The following RBFOX3 variants were observed in gnomAD, a reference collection of about 807,000 sequenced individuals.
The protein encoded by RBFOX3 is RNA binding protein fox-1 homolog 3.
RBFOX3 carries 17 observed loss-of-function variants against 48.7 expected under a neutral mutation model. The observed-to-expected ratio is 0.35, with a 90% confidence interval of 0.24 to 0.52. The LOEUF (loss-of-function observed/expected upper bound fraction) is 0.52. Ranked by LOEUF, RBFOX3 falls within the 20% of genes least tolerant of loss-of-function variation. The pLI, the probability that RBFOX3 is intolerant of heterozygous loss-of-function variation, is 0.94. For synonymous variants in RBFOX3, 212 were observed against 209.5 expected, an observed-to-expected ratio of 1.01 and a Z score of -0.10; for missense variants, 382 against 497.5, an observed-to-expected ratio of 0.77 and a Z score of 2.21.
chr17:79,303,879 GCA>G (rs1178780954), intron 3 of RBFOX3, among the ~76,000 whole-genome samples: 130 of 147,564 alleles, frequency 8.8e-4, no homozygotes, highest in African/African-American at 3.2e-3. Context: ...GTGTGTGTGT[GCA>G]TGTGTGTACT....
At chr17:79,578,321 G>A (rs2092930174) in intron 1 of RBFOX3, among the ~76,000 whole-genome samples, 2 of 152,272 alleles carry the variant, frequency 1.3e-5, no homozygotes, top group South Asian at 4.1e-4. Context: ...TGGTCAATCA[G>A]GAATGCAAAA....
chr17:79,260,798 A>C (rs1331569355), intron 3 of RBFOX3, among the ~76,000 whole-genome samples: 1 of 152,190 alleles, frequency 6.6e-6, no homozygotes, highest in Non-Finnish European at 1.5e-5. Flanking sequence ...GAGGATTTTC[A>C]GTCCACATCA....
intron 4 of RBFOX3, among the ~76,000 whole-genome samples, chr17:79,188,318 A>AG (rs1360038380): frequency 7.9e-5 from 12 of 152,230 alleles, no homozygotes; most frequent in Non-Finnish European, 1.5e-4. Flanking sequence ...CTTCCGGCTC[A>AG]GCGGGGGTCC....
chr17:79,490,630 C>T (rs1021667768), intron 1 of RBFOX3, among the ~76,000 whole-genome samples: 2 of 152,086 alleles, frequency 1.3e-5, no homozygotes, highest in Non-Finnish European at 2.9e-5. Context: ...GAGAGCATCA[C>T]TGCTGTGCTA....
rs1481135288 is a variant in RBFOX3 at position 79,418,157 on chromosome 17, G to A, written c.-175+64297C>T. Among the ~76,000 whole-genome samples, 1 of 152,228 alleles carries A rather than the reference G, an allele frequency of 6.6e-6. No homozygotes were observed. Among genetic ancestry groups the A allele is most frequent in the Non-Finnish European group, 1.5e-5 (1 of 68,040 alleles). On this transcript the variant is annotated intron_variant, in intron 2 of 14. Transcript: ENST00000693108. The surrounding 1 kb of genome is among the most constrained non-coding windows in gnomAD (Gnocchi z 5.0). ...GATGGTGATGGCCGCACAACAAGAT[G>A]AATGTACTTAATGCCACTGAACAGT...
chr17:79,262,520 A>G (rs537856337), intron 3 of RBFOX3, among the ~76,000 whole-genome samples: 1 of 152,352 alleles, frequency 6.6e-6, no homozygotes, highest in Admixed American at 6.5e-5. Flanking sequence ...ACTGATTAGG[A>G]TCCTAAATTA....
At position 79,261,001 on chromosome 17, in the gene RBFOX3, C is replaced by T. The variant is rs146233512; in HGVS notation, c.-73-25196G>A. 1.8e-3 allele frequency among the ~76,000 whole-genome samples: 272 copies of T among 152,264 alleles called. 2 individuals carry two copies. In the East Asian group the frequency reaches 0.019, roughly 11 times the overall value. On this transcript the variant is annotated intron_variant, in intron 3 of 14. Transcript: ENST00000693108. ...TCCATGTGTTTCCCTCCCTCCCTCC[C>T]GTCCTGGGGCCGGGGCCTCTCCCCA... is the stretch of plus-strand genomic sequence containing the variant.
chr17:79,230,108 C>T (rs73999909), intron 4 of RBFOX3, among the ~76,000 whole-genome samples: 2 of 152,094 alleles, frequency 1.3e-5, no homozygotes, highest in African/African-American at 2.4e-5. Flanking sequence ...AGGGGGGTGC[C>T]GCCCAGAGGC....
At chr17:79,541,635 T>G (rs1555790358) in intron 1 of RBFOX3, among the ~76,000 whole-genome samples, 1 of 152,198 alleles carries the variant, frequency 6.6e-6, no homozygotes, top group East Asian at 1.9e-4. Flanking sequence ...AGGCTCTCTC[T>G]GCACCCTGGT....
At chr17:79,656,915 A>AGGAAGGAAGGAAGGAAGGAC in the RBFOX3 span, among the ~76,000 whole-genome samples, 1 of 151,610 alleles carries the variant, frequency 6.6e-6, no homozygotes, top group African/African-American at 2.4e-5. Flanking sequence ...GAAGGAAGGA[A>AGGAAGGAAGGAAGGAAGGAC]GGAAAAGAAA....
chr17:79,489,887 C>T (rs955654321), intron 1 of RBFOX3, among the ~76,000 whole-genome samples: 5 of 152,306 alleles, frequency 3.3e-5, no homozygotes, highest in African/African-American at 1.2e-4. Flanking sequence ...CTGTACCCCG[C>T]AAAACATAAG....
intron 4 of RBFOX3, among the ~76,000 whole-genome samples, chr17:79,227,268 G>A (rs370914739): frequency 1.1e-4 from 17 of 152,200 alleles, no homozygotes; most frequent in African/African-American, 3.4e-4. Flanking sequence ...GCGAAGCAGC[G>A]AGCCAGAGAA....
In RBFOX3 at chr17:79,097,181, C is replaced by G. The variant is rs7214424; in HGVS notation, c.755+111G>C. ...TGGGGCTCCCACGATCCTCCCCCCC[C>G]CCAGGTCTGGAAAGGCTGCCTAGCC... On this transcript the variant is annotated intron_variant, in intron 11 of 14. Transcript: ENST00000693108. The G allele has an allele frequency of 2.4e-3, 2,237 of 922,034 alleles. 27 individuals are homozygous for G. In the African/African-American group the frequency reaches 0.032, roughly 13 times the overall value. The allele number at this position is 922,034 out of a possible 1,614,324, so 57.1% of individuals were successfully genotyped here.
Position 79,133,916 on chromosome 17 carries a change from G to A in RBFOX3, c.-33-18168C>T, listed in dbSNP as rs78368396. On this transcript the variant is annotated intron_variant, in intron 4 of 14. Coordinates refer to ENST00000693108, the MANE Select transcript of RBFOX3 (RefSeq NM_001350451.2). ...CTCTCTCCCCCAGGGTTCCAGGGCC[G>A]CTTGCTCTGCCAGCTACAGAGGCAT... Among the ~76,000 whole-genome samples the A allele has an allele frequency of 2.6e-3, 393 of 152,326 alleles. 10 individuals carry two copies. Among genetic ancestry groups the A allele is most frequent in the East Asian group, 0.018 (92 of 5,186 alleles).
chr17:79,161,959 T>G (rs570936885), intron 4 of RBFOX3, among the ~76,000 whole-genome samples: 1 of 152,136 alleles, frequency 6.6e-6, no homozygotes, highest in Non-Finnish European at 1.5e-5. Context: ...AAGGAGGCTA[T>G]GAGGCCCCAG....
At chr17:79,466,267 T>G (rs1240605520) in intron 2 of RBFOX3, among the ~76,000 whole-genome samples, 1 of 152,140 alleles carries the variant, frequency 6.6e-6, no homozygotes, top group Non-Finnish European at 1.5e-5. Flanking sequence ...GATTGTTCTC[T>G]GGTTGAGCAT....
At chr17:79,335,799 CT>C (rs2081099576) in intron 2 of RBFOX3, among the ~76,000 whole-genome samples, 1 of 152,220 alleles carries the variant, frequency 6.6e-6, no homozygotes, top group South Asian at 2.1e-4. Flanking sequence ...TCCCCAAAGC[CT>C]TCCCTGGCAC....
chr17:79,199,229 G>A lies in RBFOX3; in HGVS notation c.-34+36537C>T, dbSNP rs973342806. 1.3e-5 allele frequency among the ~76,000 whole-genome samples: 2 copies of A among 152,140 alleles called. No individual in the cohort carries two copies. Among genetic ancestry groups the A allele is most frequent in the African/African-American group, 2.4e-5 (1 of 41,420 alleles). Reference sequence around the variant, plus strand: ...CTTCTGAGAATGTAAAGGGCCTTTCGAAAAGACCTCCCTAGCCCCCCACCC... The same window carrying A: ...CTTCTGAGAATGTAAAGGGCCTTTCAAAAAGACCTCCCTAGCCCCCCACCC... On this transcript the variant is annotated intron_variant, in intron 4 of 14. Coordinates refer to ENST00000693108, the MANE Select transcript of RBFOX3 (RefSeq NM_001350451.2). This position sits in a 1 kb window ranked among gnomAD's most constrained non-coding sequence, Gnocchi z 5.1.
intron 2 of RBFOX3, among the ~76,000 whole-genome samples, chr17:79,383,544 A>G (rs55767868): frequency 0.038 from 5,720 of 152,294 alleles, 389 homozygotes; most frequent in African/African-American, 0.13. Flanking sequence ...AGGAACACGC[A>G]TCCCTGGAGG....
Sources: allele counts gnomAD v4.1 joint callset (sites outside exome capture counted in the v4.1 genomes callset), GRCh38; gene constraint gnomAD v4.1.1; non-coding constraint Gnocchi (gnomAD v3.1); transcripts MANE v1.5; gene names NCBI Gene and HGNC (gene_info 2026-07-23, HGNC 2026-07-21).